The following RNLS variants were observed in gnomAD, a reference collection of about 807,000 sequenced individuals.
RNLS encodes renalase.
Under a neutral mutation model 39.8 loss-of-function variants are expected in RNLS, and 39 were observed. The ratio of observed to expected loss-of-function variants is 0.98; its 90% CI spans 0.76 to 1.28. RNLS has a LOEUF of 1.28. Among genes scored for constraint, RNLS ranks in the 50% most tolerant of loss-of-function variants. The probability of loss-of-function intolerance (pLI) is 0.00; values close to 1 mark genes in which losing one functional copy is unlikely to be tolerated. For synonymous variants in RNLS, 147 were observed against 150.7 expected (o/e 0.98, Z 0.18); for missense variants, 410 against 413.3 (o/e 0.99, Z 0.07).
chr10:88,381,040 TAGC>T (rs1435727902), intron 4 of RNLS, among the ~76,000 whole-genome samples: 2 of 152,360 alleles, frequency 1.3e-5, no homozygotes, highest in South Asian at 4.1e-4. Context: ...TTAATTTATA[TAGC>T]TTTTTGATAT....
the RNLS span, among the ~76,000 whole-genome samples, chr10:88,230,145 G>C: frequency 6.6e-6 from 1 of 152,174 alleles, no homozygotes; most frequent in Non-Finnish European, 1.5e-5. Flanking sequence ...TGGCCACTTA[G>C]AAGAGGCTGA....
intron 6 of RNLS, among the ~76,000 whole-genome samples, chr10:88,286,061 C>T (rs920917304): frequency 1.3e-5 from 2 of 152,054 alleles, no homozygotes; most frequent in Non-Finnish European, 2.9e-5. Context: ...CTTCCCAGAC[C>T]CCAGAACTGC....
At position 88,575,149 on chromosome 10, in the gene RNLS, TATATATATATAC is replaced by T. The variant is rs1361895987; in HGVS notation, c.368-2100_368-2089del. Among the ~76,000 whole-genome samples the T allele has an allele frequency of 9.6e-3, 532 of 55,252 alleles. 5 individuals carry two copies. The highest frequency in any genetic ancestry group is 0.044 in the African/African-American group (502 of 11,318). The allele number at this position is 55,252 out of a possible 152,430, so 36.2% of individuals were successfully genotyped here. On this transcript the variant is annotated intron_variant, in intron 3 of 6. Coordinates refer to ENST00000331772, the MANE Select transcript of RNLS (RefSeq NM_001031709.3). Reference sequence around the variant, plus strand: ...GTATATATATATATATATATATATATATATATATATACACACACACACACACACACATATTAT... The same window carrying T: ...GTATATATATATATATATATATATATACACACACACACACACACATATTAT...
At chr10:88,482,091 T>A (rs1385554891) in intron 4 of RNLS, among the ~76,000 whole-genome samples, 2 of 152,190 alleles carry the variant, frequency 1.3e-5, no homozygotes, top group Admixed American at 1.3e-4. Context: ...CTCATTTTCT[T>A]TGGCTCTCAA....
intron 6 of RNLS, among the ~76,000 whole-genome samples, chr10:88,307,102 T>C (rs910091906): frequency 6.6e-6 from 1 of 152,032 alleles, no homozygotes; most frequent in African/African-American, 2.4e-5. Flanking sequence ...GCAGAAAAGG[T>C]TTTTGATAAA....
intron 6 of RNLS, among the ~76,000 whole-genome samples, chr10:88,290,577 A>C (rs1331622982): frequency 1.3e-5 from 2 of 152,352 alleles, no homozygotes; most frequent in Non-Finnish European, 1.5e-5. Flanking sequence ...ACATGACACA[A>C]AACTTTATTT....
In RNLS at chr10:88,552,006, G is replaced by A. The variant is rs886682273; in HGVS notation, c.526+20897C>T. 8.5e-5 allele frequency among the ~76,000 whole-genome samples: 13 copies of A among 152,284 alleles called. No homozygotes were observed. In the East Asian group the frequency reaches 9.6e-4, roughly 11 times the overall value. The stretch of plus-strand genomic sequence containing the variant: ...AGCAATTGAGTGCCAGGCACATAAC[G>A]AACACAAGTCAAATGGCAGCAGCAG... On this transcript the variant is annotated intron_variant, in intron 4 of 6. Transcript: ENST00000331772.
In RNLS at chr10:88,322,837, T is replaced by G. The variant is rs1846284844; in HGVS notation, c.701-8196A>C. Among the ~76,000 whole-genome samples the G allele has an allele frequency of 2.0e-5, 3 of 152,066 alleles. No individual in the cohort carries two copies. The South Asian group carries it at 6.2e-4, about 32-fold the overall frequency. On this transcript the variant is annotated intron_variant, in intron 5 of 6. Coordinates refer to ENST00000331772, the MANE Select transcript of RNLS (RefSeq NM_001031709.3). ...GTAATACAAATAGGAAAAGAAGAAG[T>G]AGAATTATCTCTGCTAGCTGATGAC...
At chr10:88,303,009 A>G (rs1441134487) in intron 6 of RNLS, among the ~76,000 whole-genome samples, 4 of 152,188 alleles carry the variant, frequency 2.6e-5, no homozygotes, top group African/African-American at 9.7e-5. Context: ...AAGCTGTACT[A>G]AAGAAGGAGA....
chr10:88,208,355 C>T, the RNLS span, among the ~76,000 whole-genome samples: 5 of 151,964 alleles, frequency 3.3e-5, no homozygotes, highest in Admixed American at 3.3e-4. Flanking sequence ...TGTCTCCATA[C>T]CCCAGAACTT....
chr10:88,466,949 A>G (rs1453696567), intron 4 of RNLS, among the ~76,000 whole-genome samples: 2 of 152,178 alleles, frequency 1.3e-5, no homozygotes, highest in East Asian at 3.9e-4. Flanking sequence ...GACATTGTCT[A>G]TGACCAAGCC....
chr10:88,516,355 G>T (rs1330423503), intron 4 of RNLS, among the ~76,000 whole-genome samples: 1 of 152,052 alleles, frequency 6.6e-6, no homozygotes, highest in East Asian at 1.9e-4. Flanking sequence ...TTCCATTCAG[G>T]ACAAAGAGAT....
chr10:88,466,958 C>A (rs1843245043), intron 4 of RNLS, among the ~76,000 whole-genome samples: 1 of 152,088 alleles, frequency 6.6e-6, no homozygotes, highest in Admixed American at 6.6e-5. Context: ...TATGACCAAG[C>A]CATAGCCTAG....
chr10:88,390,536 T>C (rs1005348565), intron 4 of RNLS, among the ~76,000 whole-genome samples: 4 of 152,180 alleles, frequency 2.6e-5, no homozygotes, highest in Non-Finnish European at 5.9e-5. Flanking sequence ...GCAGGGACCA[T>C]AGCACACATG....
intron 4 of RNLS, among the ~76,000 whole-genome samples, chr10:88,555,696 C>A (rs537193642): frequency 6.6e-6 from 1 of 152,076 alleles, no homozygotes; most frequent in South Asian, 2.1e-4. Flanking sequence ...CTCCACATTG[C>A]GAAATCCAAT....
At chr10:88,233,560 G>A in the RNLS span, among the ~76,000 whole-genome samples, 255 of 152,254 alleles carry the variant, frequency 1.7e-3, 1 homozygote, top group African/African-American at 5.7e-3. Flanking sequence ...GATAAACAAC[G>A]CGTAATCATC....
At chr10:88,175,654 G>T in the RNLS span, among the ~76,000 whole-genome samples, 89 of 152,200 alleles carry the variant, frequency 5.8e-4, no homozygotes, top group African/African-American at 2.0e-3. Context: ...CTTGTTTTGT[G>T]GCCCATCATA....
chr10:88,562,795 G>C (rs549899708), intron 4 of RNLS, among the ~76,000 whole-genome samples: 2 of 151,924 alleles, frequency 1.3e-5, no homozygotes, highest in Non-Finnish European at 2.9e-5. Flanking sequence ...AGATACCAAC[G>C]GAAAAGATAA....
the RNLS span, among the ~76,000 whole-genome samples, chr10:88,236,082 C>G: frequency 6.6e-6 from 1 of 152,182 alleles, no homozygotes; most frequent in African/African-American, 2.4e-5. Flanking sequence ...AACCCCTGCA[C>G]TATGTTAAAT....
Sources: gnomAD v4.1 joint callset for allele counts (sites outside exome capture counted in the v4.1 genomes callset) on GRCh38, gnomAD v4.1.1 for gene constraint, MANE v1.5 for transcripts, NCBI Gene and HGNC (gene_info 2026-07-23, HGNC 2026-07-21) for gene names.